Variants in IGSF21 observed in about 807,000 individuals in gnomAD.
IGSF21 encodes immunoglobin superfamily member 21.
Under a neutral mutation model 46.8 loss-of-function variants are expected in IGSF21, and 28 were observed. The ratio of observed to expected loss-of-function variants is 0.60; its 90% CI spans 0.44 to 0.82. The LOEUF (loss-of-function observed/expected upper bound fraction) is 0.82, where lower values mean the gene tolerates loss of function less well. Among genes scored for constraint, IGSF21 ranks in the 40% least tolerant of loss-of-function variants. IGSF21 has a pLI of 0.00. For missense variants in IGSF21, 624 were observed against 665.5 expected (o/e 0.94, Z 0.69); for synonymous variants, 284 against 273.6 (o/e 1.04, Z -0.38).
intron 2 of IGSF21, among the ~76,000 whole-genome samples, chr1:18,280,411 A>T (rs1339665967): frequency 1.3e-5 from 2 of 151,936 alleles, no homozygotes; most frequent in African/African-American, 4.8e-5. Context: ...GGAGCTGATC[A>T]CTCTCCTGTT....
intron 1 of IGSF21, among the ~76,000 whole-genome samples, chr1:18,212,854 A>AG (rs2084406599): frequency 6.6e-6 from 1 of 151,650 alleles, no homozygotes; most frequent in Non-Finnish European, 1.5e-5. Context: ...GGTTAAGAAA[A>AG]TGGGAATTCC....
At chr1:18,278,678 T>C (rs1055718877) in intron 2 of IGSF21, among the ~76,000 whole-genome samples, 2 of 151,878 alleles carry the variant, frequency 1.3e-5, no homozygotes, top group Non-Finnish European at 2.9e-5. Context: ...TGCAGCCTCC[T>C]GAGTAGCTGG....
chr1:18,176,891 A>G (rs562851438), intron 1 of IGSF21, among the ~76,000 whole-genome samples: 4 of 152,336 alleles, frequency 2.6e-5, no homozygotes, highest in East Asian at 1.9e-4. Flanking sequence ...TAGCAGTGCT[A>G]TTAGTAGCCT....
intron 1 of IGSF21, among the ~76,000 whole-genome samples, chr1:18,222,794 T>C (rs1308290727): frequency 6.6e-6 from 1 of 152,170 alleles, no homozygotes; most frequent in African/African-American, 2.4e-5. Flanking sequence ...AGATCAGGGC[T>C]GGGGGAATAT....
At chr1:18,157,226 G>T (rs952722386) in intron 1 of IGSF21, among the ~76,000 whole-genome samples, 12 of 152,204 alleles carry the variant, frequency 7.9e-5, no homozygotes, top group African/African-American at 2.9e-4. Flanking sequence ...CAGACTCCCT[G>T]GTGCCTCGTG....
chr1:18,138,336 G>A (rs575253659), intron 1 of IGSF21, among the ~76,000 whole-genome samples: 1 of 152,332 alleles, frequency 6.6e-6, no homozygotes, highest in East Asian at 1.9e-4. Context: ...ACGATGGCCT[G>A]AGAAGTAAGC....
At chr1:18,216,408 A>G (rs1305905697) in intron 1 of IGSF21, among the ~76,000 whole-genome samples, 1 of 152,200 alleles carries the variant, frequency 6.6e-6, no homozygotes, top group Non-Finnish European at 1.5e-5. Flanking sequence ...GGGCAGGGAA[A>G]TTGAATGGCA....
At chr1:18,122,337 C>T (rs2086242537) in intron 1 of IGSF21, among the ~76,000 whole-genome samples, 1 of 151,500 alleles carries the variant, frequency 6.6e-6, no homozygotes, top group Non-Finnish European at 1.5e-5. Flanking sequence ...ATTACAGGTG[C>T]ATGCCACCAT....
At chr1:18,358,583 A>G (rs1333850553) in intron 4 of IGSF21, among the ~76,000 whole-genome samples, 1 of 152,220 alleles carries the variant, frequency 6.6e-6, no homozygotes, top group Non-Finnish European at 1.5e-5. Context: ...CTCCAAAGGT[A>G]CGACCATGTT....
chr1:18,245,577 C>T (rs925093465), intron 2 of IGSF21, among the ~76,000 whole-genome samples: 1 of 152,102 alleles, frequency 6.6e-6, no homozygotes, highest in African/African-American at 2.4e-5. Context: ...CTTTAATAAG[C>T]ATGTAGTGCT....
chr1:18,265,730 C>A (rs1328244316), intron 2 of IGSF21, among the ~76,000 whole-genome samples: 1 of 152,242 alleles, frequency 6.6e-6, no homozygotes, highest in Non-Finnish European at 1.5e-5. Flanking sequence ...TGGCTGAATT[C>A]TCTGCTCTTC....
intron 2 of IGSF21, among the ~76,000 whole-genome samples, chr1:18,279,841 G>A (rs1326504642): frequency 6.6e-6 from 1 of 152,210 alleles, no homozygotes; most frequent in Non-Finnish European, 1.5e-5. Flanking sequence ...TTAGCAGGTG[G>A]GCAGGCTGGC....
chr1:18,220,985 G>A (rs1339381311), intron 1 of IGSF21, among the ~76,000 whole-genome samples: 1 of 152,150 alleles, frequency 6.6e-6, no homozygotes, highest in African/African-American at 2.4e-5. Flanking sequence ...CCTAAAGAAA[G>A]CCAGGGGCGT....
intron 1 of IGSF21, among the ~76,000 whole-genome samples, chr1:18,133,267 G>T (rs1291998118): frequency 2.6e-5 from 4 of 152,178 alleles, no homozygotes. Flanking sequence ...GTGAGCCAGG[G>T]CTCCGGTTCC....
At chr1:18,222,799 G>A (rs1237409230) in intron 1 of IGSF21, among the ~76,000 whole-genome samples, 1 of 152,174 alleles carries the variant, frequency 6.6e-6, no homozygotes, top group Non-Finnish European at 1.5e-5. Flanking sequence ...AGGGCTGGGG[G>A]AATATTAATT....
chr1:18,231,804 G>T (rs2084628943), intron 2 of IGSF21, among the ~76,000 whole-genome samples: 1 of 152,096 alleles, frequency 6.6e-6, no homozygotes, highest in Middle Eastern at 3.2e-3. Context: ...GGAATACACT[G>T]TGCTCACCTG....
intron 3 of IGSF21, among the ~76,000 whole-genome samples, chr1:18,306,867 G>A (rs1409556286): frequency 2.0e-5 from 3 of 152,232 alleles, no homozygotes; most frequent in Non-Finnish European, 4.4e-5. Flanking sequence ...CTCGGTGCAC[G>A]ATTGAGAGAA....
At chr1:18,340,378 G>A (rs1234697799) in intron 4 of IGSF21, among the ~76,000 whole-genome samples, 1 of 152,178 alleles carries the variant, frequency 6.6e-6, no homozygotes, top group Non-Finnish European at 1.5e-5. Flanking sequence ...CTAGGTCAAC[G>A]TGGCCTCTCT....
intron 1 of IGSF21, among the ~76,000 whole-genome samples, chr1:18,184,923 G>A (rs906566894): frequency 5.3e-5 from 8 of 152,200 alleles, no homozygotes. Flanking sequence ...TTGGGCATGT[G>A]TAACTTAACT....
Sources: gnomAD v4.1 joint callset for allele counts (sites outside exome capture counted in the v4.1 genomes callset) on GRCh38, gnomAD v4.1.1 for gene constraint, MANE v1.5 for transcripts, NCBI Gene and HGNC (gene_info 2026-07-23, HGNC 2026-07-21) for gene names.